The following SYT16 variants were observed in gnomAD, a reference collection of about 807,000 sequenced individuals.
SYT16 encodes synaptotagmin-16.
Under a neutral mutation model 61.4 loss-of-function variants are expected in SYT16, and 42 were observed. The ratio of observed to expected loss-of-function variants is 0.68; its 90% CI spans 0.53 to 0.89. The LOEUF (loss-of-function observed/expected upper bound fraction) is 0.89, where lower values mean the gene tolerates loss of function less well. Among genes scored for constraint, SYT16 ranks in the 40% least tolerant of loss-of-function variants. The pLI is 0.00. For synonymous variants in SYT16, 314 were observed against 302.3 expected, an observed-to-expected ratio of 1.04 and a Z score of -0.40; for missense variants, 804 against 807.3, an observed-to-expected ratio of 1.00 and a Z score of 0.05.
intron 7 of SYT16, 115 bp downstream of exon 7, chr14:62,084,500 A>G (rs2056821622): frequency 8.3e-7 from 1 of 1,200,690 alleles, no homozygotes; most frequent in African/African-American, 1.6e-5. Context: ...ATTATGGCTT[A>G]AGCAAGCTTT....
chr14:61,835,891 G>C (rs1372801315), intron 1 of SYT16, among the ~76,000 whole-genome samples: 9 of 152,122 alleles, frequency 5.9e-5, no homozygotes, highest in Admixed American at 3.9e-4. Context: ...AACTTTTCCT[G>C]TCTTTCTCAA....
intron 1 of SYT16, among the ~76,000 whole-genome samples, chr14:61,853,993 C>T (rs971643084): frequency 5.9e-5 from 9 of 152,194 alleles, no homozygotes; most frequent in East Asian, 1.9e-4. Context: ...ACATAATACA[C>T]GTAATCTATG....
intron 3 of SYT16, among the ~76,000 whole-genome samples, chr14:62,067,293 A>G (rs79400616): frequency 4.7e-3 from 720 of 152,312 alleles, no homozygotes; most frequent in Non-Finnish European, 7.4e-3. Flanking sequence ...CATGGAAGTT[A>G]TAGGGGAGAA....
intron 1 of SYT16, among the ~76,000 whole-genome samples, chr14:61,838,787 G>A: frequency 6.6e-6 from 1 of 152,088 alleles, no homozygotes; most frequent in East Asian, 1.9e-4. Context: ...AAGGGAGAAG[G>A]GAAAAATACT....
intron 1 of SYT16, among the ~76,000 whole-genome samples, chr14:61,942,709 A>G (rs74925274): frequency 0.045 from 6,834 of 152,180 alleles, 281 homozygotes; most frequent in African/African-American, 0.11. Context: ...ACAGGCAAGA[A>G]TGTCTTGAAA....
chr14:62,011,982 T>C (rs1042050852), intron 3 of SYT16, among the ~76,000 whole-genome samples: 58 of 136,458 alleles, frequency 4.3e-4, no homozygotes, highest in African/African-American at 1.6e-3. Flanking sequence ...ATTTAGATCA[T>C]GGCTTTTCTC....
At chr14:61,988,196 A>G (rs958227169) in intron 2 of SYT16, among the ~76,000 whole-genome samples, 4 of 152,178 alleles carry the variant, frequency 2.6e-5, no homozygotes. Context: ...TTGGATGACA[A>G]TAAGATTCTT....
chr14:62,075,634 A>C (rs1332381138), intron 5 of SYT16, among the ~76,000 whole-genome samples: 1 of 151,090 alleles, frequency 6.6e-6, no homozygotes, highest in African/African-American at 2.4e-5. Context: ...AAAAGAAAAA[A>C]AAATAAGAAT....
At chr14:62,087,343 G>A (rs1463460242) in intron 7 of SYT16, among the ~76,000 whole-genome samples, 1 of 152,218 alleles carries the variant, frequency 6.6e-6, no homozygotes, top group Admixed American at 6.5e-5. Context: ...GCCGGCGGCA[G>A]CCTGGGGCCT....
intron 7 of SYT16, among the ~76,000 whole-genome samples, chr14:62,096,340 C>A (rs1166548958): frequency 6.6e-6 from 1 of 152,068 alleles, no homozygotes; most frequent in African/African-American, 2.4e-5. Flanking sequence ...AGAGCACAGT[C>A]ATTCACTTCT....
At chr14:62,023,767 G>T (rs1243103830) in intron 3 of SYT16, among the ~76,000 whole-genome samples, 1 of 152,114 alleles carries the variant, frequency 6.6e-6, no homozygotes, top group Admixed American at 6.5e-5. Flanking sequence ...GCTTTTGTGG[G>T]ATGGTTATTC....
chr14:61,913,847 A>T (rs2140387847), intron 1 of SYT16, among the ~76,000 whole-genome samples: 2 of 152,196 alleles, frequency 1.3e-5, no homozygotes, highest in Non-Finnish European at 2.9e-5. Flanking sequence ...CTGGGCCCAA[A>T]CTTGGATTTT....
At chr14:61,927,674 C>T (rs904061517) in intron 1 of SYT16, among the ~76,000 whole-genome samples, 1 of 152,180 alleles carries the variant, frequency 6.6e-6, no homozygotes, top group Admixed American at 6.5e-5. Context: ...TCTCTACCTC[C>T]TCGTTAGCAA....
intron 3 of SYT16, among the ~76,000 whole-genome samples, chr14:62,023,775 T>A (rs1034387492): frequency 6.6e-6 from 1 of 152,186 alleles, no homozygotes; most frequent in African/African-American, 2.4e-5. Flanking sequence ...GGGATGGTTA[T>A]TCTGATAAAA....
intron 1 of SYT16, among the ~76,000 whole-genome samples, chr14:61,943,062 C>A (rs2050271152): frequency 1.3e-5 from 2 of 152,100 alleles, no homozygotes; most frequent in South Asian, 4.1e-4. Flanking sequence ...CACCACTGAT[C>A]CCACAGAAAC....
At chr14:62,051,135 G>A (rs970619845) in intron 3 of SYT16, among the ~76,000 whole-genome samples, 1 of 152,188 alleles carries the variant, frequency 6.6e-6, no homozygotes, top group African/African-American at 2.4e-5. Flanking sequence ...CGAGCTTCCC[G>A]GCTGCTTTGT....
At chr14:61,955,079 A>G (rs946763422) in intron 1 of SYT16, among the ~76,000 whole-genome samples, 5 of 152,092 alleles carry the variant, frequency 3.3e-5, no homozygotes, top group African/African-American at 1.2e-4. Flanking sequence ...TTCAGTCTTT[A>G]CCATAGCAGG....
chr14:61,935,811 T>G (rs1297816497), intron 1 of SYT16, among the ~76,000 whole-genome samples: 1 of 152,242 alleles, frequency 6.6e-6, no homozygotes, highest in Non-Finnish European at 1.5e-5. Flanking sequence ...GTAGGTTCTT[T>G]TGAATGTATT....
rs560456277 is a variant in SYT16, at chr14:62,035,636, C to T, written c.524-33967C>T. 5.3e-5 allele frequency among the ~76,000 whole-genome samples: 8 copies of T among 152,278 alleles called. No individual in the cohort carries two copies. In the South Asian group the frequency reaches 1.2e-3, roughly 24 times the overall value. Reference sequence around the variant, plus strand: ...TTGCTTACCAATGGGTGTTGTTCCACGCATTGCTTTGTAAGCTATTTGGAA... The same window carrying T: ...TTGCTTACCAATGGGTGTTGTTCCATGCATTGCTTTGTAAGCTATTTGGAA... On this transcript the variant is annotated intron_variant, in intron 3 of 7. Transcript: ENST00000683842.
Sources: gnomAD v4.1 joint callset for allele counts (sites outside exome capture counted in the v4.1 genomes callset) on GRCh38, gnomAD v4.1.1 for gene constraint, MANE v1.5 for transcripts, NCBI Gene and HGNC (gene_info 2026-07-23, HGNC 2026-07-21) for gene names.